SYF2: variants seen among roughly 807,000 people sequenced by gnomAD.
The protein encoded by SYF2 is pre-mRNA-splicing factor SYF2.
A neutral mutation model predicts 32.7 loss-of-function variants in SYF2; 21 were observed. The observed-to-expected ratio is 0.64, with a 90% CI of 0.45 to 0.92. The LOEUF (loss-of-function observed/expected upper bound fraction) is 0.92, where lower values mean the gene tolerates loss of function less well. SYF2 is among the 40% of genes least tolerant of loss of function. The pLI, the probability that SYF2 is intolerant of heterozygous loss-of-function variation, is 0.00. For synonymous variants in SYF2, 114 were observed against 103.9 expected, an observed-to-expected ratio of 1.10 and a Z score of -0.59; for missense variants, 278 against 296.5, an observed-to-expected ratio of 0.94 and a Z score of 0.46.
chr1:25,222,991 A>G lies in SYF2; in HGVS notation c.*275T>C. 1 of 231,046 alleles carries G rather than the reference A, an allele frequency of 4.3e-6. No individual in the cohort carries two copies. The highest frequency in any genetic ancestry group is 9.3e-5 in the East Asian group (1 of 10,768). The allele number at this position is 231,046 out of a possible 1,614,324, so 14.3% of individuals were successfully genotyped here. ...AAGATTAAACAGCCATATACATTTA[A>G]AATACATAGAAAAATAATATAATTA... On this transcript the variant is annotated 3_prime_UTR_variant, in exon 7 of 7. Coordinates refer to ENST00000236273, the MANE Select transcript of SYF2 (RefSeq NM_015484.5).
chr1:25,230,229 T>C lies in SYF2; in HGVS notation c.133-1106A>G, dbSNP rs140643485. On this transcript the variant is annotated intron_variant, in intron 2 of 6. Transcript: ENST00000236273. Reference sequence around the variant, plus strand: ...CCAAGTTCCCCTCCTTTTAAATATTTTCACAGTTTGCATTGACAAATGAAA... The same window carrying C: ...CCAAGTTCCCCTCCTTTTAAATATTCTCACAGTTTGCATTGACAAATGAAA... 705 of 152,288 alleles carry C rather than the reference T, an allele frequency of 4.6e-3. 2 individuals are homozygous for C. Among genetic ancestry groups the C allele is most frequent in the African/African-American group, 0.016 (664 of 41,564 alleles). The allele number at this position is 152,288 out of a possible 1,614,324, so 9.4% of individuals were successfully genotyped here. A position where few individuals can be genotyped will look rare whatever the true frequency, so the allele number is the denominator to read the frequency against.
chr1:25,224,891 A>G, intron 6 of SYF2, 111 bp downstream of exon 6: 1 of 834,908 alleles, frequency 1.2e-6, no homozygotes, highest in South Asian at 1.6e-5. Flanking sequence ...GTATAACTGT[A>G]CAATTTCTAT....
rs1638439976 is a variant in SYF2, at chr1:25,223,113, G to A, written c.*153C>T. 2 of 659,468 alleles carry A rather than the reference G, an allele frequency of 3.0e-6. No homozygotes were observed. The highest frequency in any genetic ancestry group is 2.5e-6 in the Non-Finnish European group (1 of 408,030). The allele number at this position is 659,468 out of a possible 1,614,324, so 40.9% of individuals were successfully genotyped here. ...TGGAAATATACATGAAAGGATATAC[G>A]TTTAAGAAACCACATTTTTATTTCT... On this transcript the variant is annotated 3_prime_UTR_variant, in exon 7 of 7. Coordinates refer to ENST00000236273, the MANE Select transcript of SYF2 (RefSeq NM_015484.5).
In SYF2 at chr1:25,223,259, G is replaced by A. The variant is rs199685299; in HGVS notation, c.*7C>T. 2.2e-5 allele frequency: 36 copies of A among 1,607,712 alleles called. No homozygotes were observed. In the Admixed American group the frequency reaches 5.8e-4, roughly 26 times the overall value. ...TCTCAAGCTTCTATAAACAGTTCTT[G>A]AAGGGATTAGACAGCTGTTCCTCTT... On this transcript the variant is annotated 3_prime_UTR_variant, in exon 7 of 7. Coordinates refer to ENST00000236273, the MANE Select transcript of SYF2 (RefSeq NM_015484.5).
chr1:25,227,133 A>C (rs1161187694), intron 5 of SYF2, among the ~76,000 whole-genome samples: 1 of 152,150 alleles, frequency 6.6e-6, no homozygotes, highest in African/African-American at 2.4e-5. Flanking sequence ...AACTACAAAA[A>C]TTAGTTGGGC....
chr1:25,232,111 A>T lies in SYF2; in HGVS notation c.125T>A (p.Leu42Gln). 1.2e-6 allele frequency: 2 copies of T among 1,613,790 alleles called. No homozygotes were observed. The highest frequency in any genetic ancestry group is 2.2e-5 in the South Asian group (2 of 90,980). The change falls in exon 2 of 7, where the codon CTG becomes CAG. Residue 42 changes from leucine to glutamine, a missense_variant. Coordinates refer to ENST00000236273, the MANE Select transcript of SYF2 (RefSeq NM_015484.5). Reference sequence around the variant, plus strand: ...GCCTCCAAGACTACTCACCCGCATCAGGTGCAGCTCCCGGAATTTGCGCAG... The same window carrying T: ...GCCTCCAAGACTACTCACCCGCATCTGGTGCAGCTCCCGGAATTTGCGCAG... ...QRLRKFRELH[L>Q]MRNEARKLNH... is the part of the protein sequence containing the mutation.
chr1:25,227,156 G>A (rs915564676), intron 5 of SYF2, among the ~76,000 whole-genome samples: 2 of 152,042 alleles, frequency 1.3e-5, no homozygotes, highest in East Asian at 3.9e-4. Flanking sequence ...GGTGGCGGGC[G>A]CCTGTAATCC....
chr1:25,232,288 TC>T, intron 1 of SYF2, 77 bp from the exon 2 acceptor site: 1 of 1,582,270 alleles, frequency 6.3e-7, no homozygotes, highest in Non-Finnish European at 8.6e-7. Flanking sequence ...TCCCCGCCGG[TC>T]CCCACAGGCT....
At position 25,229,071 on chromosome 1, in the gene SYF2, A is replaced by G. The variant is rs748218579; in HGVS notation, c.185T>C (p.Leu62Pro). Reference sequence around the variant, plus strand: ...GGCTTCCCAATTTGCAGGTAATTTTAGTCTTTTATCTTCTTCCACAACTTC... The same window carrying G: ...GGCTTCCCAATTTGCAGGTAATTTTGGTCTTTTATCTTCTTCCACAACTTC... ...HQEVVEEDKRLKLPANWEAKK... is the reference protein window; with the variant it reads ...HQEVVEEDKRPKLPANWEAKK... The change falls in exon 3 of 7, where the codon CTA (leucine) becomes CCA (proline). Residue 62 changes from leucine to proline, a missense_variant. By Grantham distance (98) the Leu-to-Pro change is moderately conservative. Transcript: ENST00000236273. 5 of 1,613,880 alleles carry G rather than the reference A, an allele frequency of 3.1e-6. No individual in the cohort carries two copies. The South Asian group carries it at 5.5e-5, about 18-fold the overall frequency.
At chr1:25,226,785 G>C (rs2124510901) in intron 5 of SYF2, among the ~76,000 whole-genome samples, 1 of 152,260 alleles carries the variant, frequency 6.6e-6, no homozygotes, top group Non-Finnish European at 1.5e-5. Context: ...AGGAGTTTGA[G>C]ACAGCCTGAG....
intron 3 of SYF2, 25 bp from the exon 4 acceptor site, chr1:25,228,260 C>A: frequency 1.9e-6 from 3 of 1,562,038 alleles, no homozygotes; most frequent in Non-Finnish European, 2.6e-6. Flanking sequence ...AAAGCTGACA[C>A]CTACAATTAT....
chr1:25,225,457 G>A (rs563876353), intron 5 of SYF2, among the ~76,000 whole-genome samples: 2 of 152,036 alleles, frequency 1.3e-5, no homozygotes, highest in South Asian at 2.1e-4. Flanking sequence ...GAACCCGGGA[G>A]GTGGAGGCTG....
rs1015063611 is a variant in SYF2, at chr1:25,232,073, C to A, written c.132+31G>T. ...AAAGCGCACAGGCTTGGCCAGATGA[C>A]GGATCTAAGCCGGCCTCCAAGACTA... On this transcript the variant is annotated intron_variant, in intron 2 of 6. Coordinates refer to ENST00000236273, the MANE Select transcript of SYF2 (RefSeq NM_015484.5). 50 of 1,602,876 alleles carry A rather than the reference C, an allele frequency of 3.1e-5. No individual in the cohort carries two copies. The Admixed American group carries it at 8.2e-4, about 26-fold the overall frequency.
chr1:25,222,519 G>A lies in SYF2; in HGVS notation c.*747C>T, dbSNP rs1638428508. On this transcript the variant is annotated 3_prime_UTR_variant, in exon 7 of 7. Transcript: ENST00000236273. ...CAGGACTGGCCATGAGTTAATGATT[G>A]TTGAACAGGGTACTGGGTATATGGG... Among the ~76,000 whole-genome samples, 1 of 151,930 alleles carries A rather than the reference G, an allele frequency of 6.6e-6. No individual in the cohort carries two copies. Among genetic ancestry groups the A allele is most frequent in the South Asian group, 2.1e-4 (1 of 4,830 alleles).
intron 6 of SYF2, among the ~76,000 whole-genome samples, chr1:25,224,743 A>C (rs113547111): frequency 6.6e-6 from 1 of 152,082 alleles, no homozygotes; most frequent in African/African-American, 2.4e-5. Flanking sequence ...AAGAAGGATC[A>C]TTTTTTTTAG....
At chr1:25,230,385 A>T (rs992007706) in intron 2 of SYF2, 2 of 152,176 alleles carry the variant, frequency 1.3e-5, no homozygotes, top group Non-Finnish European at 2.9e-5. Flanking sequence ...TATCGTCTTA[A>T]GGAAAACTTG....
rs1638574298 is a variant in SYF2 at position 25,229,045 on chromosome 1, T to C, written c.211A>G (p.Lys71Glu). ...RLKLPANWEA[K>E]KARLEWELKE... ...AGTTCCCACTCCAAACGAGCTTTTT[T>C]GGCTTCCCAATTTGCAGGTAATTTT... is the stretch of plus-strand genomic sequence containing the variant. Residue 71 changes from lysine (K) to glutamate (E), a missense_variant, in exon 3 of 7, where the codon AAA becomes GAA. Physicochemically the swap from Lys to Glu is moderately conservative, Grantham distance 56 (BLOSUM62 1). Transcript: ENST00000236273. The C allele has an allele frequency of 6.2e-7, 1 of 1,613,992 alleles. No individual in the cohort carries two copies. The highest frequency in any genetic ancestry group is 8.5e-7 in the Non-Finnish European group (1 of 1,180,012).
intron 2 of SYF2, 110 bp downstream of exon 2, chr1:25,231,994 C>G: frequency 9.4e-7 from 1 of 1,058,854 alleles, no homozygotes; most frequent in South Asian, 1.3e-5. Flanking sequence ...CTCAGATGAT[C>G]CTGCTCTGTT....
At chr1:25,230,685 G>C (rs533485721) in intron 2 of SYF2, 8 of 152,176 alleles carry the variant, frequency 5.3e-5, no homozygotes, top group Non-Finnish European at 1.2e-4. Flanking sequence ...GGGAACCGTG[G>C]GCATTTGAGT....
Sources: gnomAD v4.1 joint callset for allele counts (sites outside exome capture counted in the v4.1 genomes callset) on GRCh38, gnomAD v4.1.1 for gene constraint, MANE v1.5 for transcripts, NCBI Gene and HGNC (gene_info 2026-07-23, HGNC 2026-07-21) for gene names.